SLC12A7: variants seen among roughly 807,000 people sequenced by gnomAD.
SLC12A7 encodes the protein solute carrier family 12 member 7, also known as K-Cl cotransporter 4.
A neutral mutation model predicts 120.6 loss-of-function variants in SLC12A7; 100 were observed. That is an observed-to-expected ratio of 0.83 (90% confidence interval 0.71 to 0.98). The LOEUF (loss-of-function observed/expected upper bound fraction) is 0.98. Among genes scored for constraint, SLC12A7 ranks in the 50% least tolerant of loss-of-function variants. The probability of loss-of-function intolerance (pLI) is 0.00; values close to 1 mark genes in which losing one functional copy is unlikely to be tolerated. For missense variants in SLC12A7, 1,373 were observed against 1,548.1 expected (o/e 0.89, Z 1.90); for synonymous variants, 760 against 678.0 (o/e 1.12, Z -1.88).
chr5:1,140,132 C>G, the SLC12A7 span, among the ~76,000 whole-genome samples: 1 of 152,238 alleles, frequency 6.6e-6, no homozygotes, highest in Non-Finnish European at 1.5e-5. Context: ...GTCCTGCCCT[C>G]AGAAGGCCCC....
chr5:1,078,623 A>G, intron 11 of SLC12A7, 78 bp downstream of exon 11: 1 of 1,240,770 alleles, frequency 8.1e-7, no homozygotes, highest in Non-Finnish European at 1.2e-6. Flanking sequence ...GGGCGATGTA[A>G]TTTCAAAGCC....
chr5:1,065,930 C>T (rs1016784634), intron 17 of SLC12A7, among the ~76,000 whole-genome samples: 4 of 117,270 alleles, frequency 3.4e-5, no homozygotes, highest in African/African-American at 6.3e-5. Context: ...CGGCGGGGGG[C>T]GGGGGTGGGG....
the SLC12A7 span, among the ~76,000 whole-genome samples, chr5:1,153,197 G>A: frequency 1.3e-5 from 2 of 152,304 alleles, no homozygotes; most frequent in African/African-American, 4.8e-5. Flanking sequence ...GCTGACGTGG[G>A]AGGAGGGACG....
At chr5:1,056,673 C>T (rs1324379549) in intron 22 of SLC12A7, 1 of 762,676 alleles carries the variant, frequency 1.3e-6, no homozygotes, top group Non-Finnish European at 1.6e-6. Context: ...CGCATGGCTG[C>T]CCAGGAGGAC....
Position 1,077,898 on chromosome 5 carries a change from T to C in SLC12A7, c.1564A>G (p.Ser522Gly). 6.3e-7 allele frequency: 1 copy of C among 1,599,368 alleles called. No individual in the cohort carries two copies. Among genetic ancestry groups the C allele is most frequent in the Non-Finnish European group, 8.5e-7 (1 of 1,173,842 alleles). The change falls in exon 12 of 24, where the codon AGC (serine) becomes GGC (glycine). Residue 522 changes from serine (S) to glycine (G), a missense_variant. Physicochemically the swap from Ser to Gly is moderately conservative, Grantham distance 56 (BLOSUM62 0). Coordinates refer to ENST00000264930, the MANE Select transcript of SLC12A7 (RefSeq NM_006598.3). ...FFSTCGAGLQ[S>G]LTGAPRLLQA... ...AGTAGGCGCGGTGCCCCCGTGAGGC[T>C]CTGCAGGCCGGCACCGCAGGTGGAG...
At chr5:1,052,619 AGGAG>A (rs1735167693) in intron 23 of SLC12A7, among the ~76,000 whole-genome samples, 168 bp from the exon 24 acceptor site, 1 of 127,868 alleles carries the variant, frequency 7.8e-6, no homozygotes, top group Admixed American at 8.2e-5. Flanking sequence ...CCAGGCGGGG[AGGAG>A]CAGGGCAGGG....
At chr5:1,095,506 G>A (rs1224658974) in intron 1 of SLC12A7, among the ~76,000 whole-genome samples, 1 of 152,224 alleles carries the variant, frequency 6.6e-6, no homozygotes, top group Non-Finnish European at 1.5e-5. Context: ...GACTGGGAAC[G>A]ACCAAGCCGG....
In SLC12A7 at chr5:1,065,472, G is replaced by A. The variant is rs776940312; in HGVS notation, c.2248C>T (p.Arg750Trp). Residue 750 changes from arginine to tryptophan, a missense_variant, in exon 18 of 24, where the codon CGG becomes TGG. By Grantham distance (101) the Arg-to-Trp change is moderately radical. Coordinates refer to ENST00000264930, the MANE Select transcript of SLC12A7 (RefSeq NM_006598.3). ...GTCTTCTCTGTGCTCATTAGGGACCGTATGTTCTGCGGGAGACAGGACAGG... is the reference window on the plus strand; with the variant it reads ...GTCTTCTCTGTGCTCATTAGGGACCATATGTTCTGCGGGAGACAGGACAGG... ...MEAQRAEENI[R>W]SLMSTEKTKG... is the part of the protein sequence containing the mutation. 9 of 1,584,610 alleles carry A rather than the reference G, an allele frequency of 5.7e-6. No homozygotes were observed. Among genetic ancestry groups the A allele is most frequent in the Non-Finnish European group, 6.9e-6 (8 of 1,162,618 alleles).
chr5:1,116,008 T>A (rs116648138), upstream of SLC12A7, among the ~76,000 whole-genome samples: 6,483 of 149,426 alleles, frequency 0.043, 186 homozygotes, highest in South Asian at 0.086. Context: ...GGAAGCAGAG[T>A]CTCCGGCCAC....
intron 1 of SLC12A7, among the ~76,000 whole-genome samples, chr5:1,102,230 T>C (rs1742088737): frequency 6.6e-6 from 1 of 152,060 alleles, no homozygotes; most frequent in African/African-American, 2.4e-5. Flanking sequence ...AGAGAGGCAG[T>C]GAGAGTGTGT....
rs746519418 is a variant in SLC12A7, at chr5:1,065,316, C to T, written c.2404G>A (p.Glu802Lys). 1.6e-5 allele frequency: 26 copies of T among 1,584,822 alleles called. No individual in the cohort carries two copies. In the Admixed American group the frequency reaches 4.7e-4, roughly 28 times the overall value. ...TTCTTCCAGGAGAAGGGGTTGTCCT[C>T]CTGCTTCCAGGATGCGGGCCAGGCC... ...LMAWPASWKQ[E>K]DNPFSWKNFV... The change falls in exon 18 of 24, where the codon GAG becomes AAG. Residue 802 changes from glutamate to lysine, a missense_variant. By Grantham distance (56) the Glu-to-Lys change is moderately conservative. Coordinates refer to ENST00000264930, the MANE Select transcript of SLC12A7 (RefSeq NM_006598.3).
At chr5:1,089,987 A>T (rs890672043) in intron 3 of SLC12A7, among the ~76,000 whole-genome samples, 2 of 152,246 alleles carry the variant, frequency 1.3e-5, no homozygotes, top group Admixed American at 1.3e-4. Context: ...TTTTAACAGG[A>T]AAACGTCTCA....
At chr5:1,140,409 A>G in the SLC12A7 span, among the ~76,000 whole-genome samples, 1 of 152,194 alleles carries the variant, frequency 6.6e-6, no homozygotes, top group Admixed American at 6.5e-5. Context: ...CCGGGTCTGG[A>G]AGACACTGGT....
In SLC12A7 at chr5:1,050,681, C is replaced by T. The variant is rs1199418233; in HGVS notation, c.*1679G>A. 1.5e-5 allele frequency: 6 copies of T among 394,136 alleles called. No homozygotes were observed. Among genetic ancestry groups the T allele is most frequent in the Admixed American group, 8.9e-5 (2 of 22,582 alleles). 24.4% of individuals were successfully genotyped at this position (394,136 alleles called of 1,614,324 possible). ...GCTGTGCCTCTAGCCTGCTCTCCTCCAGGTGCAGGGGACACAGGACCTGCC... is the reference window on the plus strand; with the variant it reads ...GCTGTGCCTCTAGCCTGCTCTCCTCTAGGTGCAGGGGACACAGGACCTGCC... On this transcript the variant is annotated 3_prime_UTR_variant, in exon 24 of 24. Coordinates refer to ENST00000264930, the MANE Select transcript of SLC12A7 (RefSeq NM_006598.3).
Position 1,080,399 on chromosome 5 carries a change from G to A in SLC12A7, c.1298-903C>T, listed in dbSNP as rs944145093. ...GCGGAGGTACAGGGAGAGGACCCCC[G>A]GCAGATCACCCCCTCCATAGCAAGA... On this transcript the variant is annotated intron_variant, in intron 9 of 23. Transcript: ENST00000264930. Among the ~76,000 whole-genome samples the A allele has an allele frequency of 7.9e-5, 12 of 152,214 alleles. 1 individual carries two copies. Among genetic ancestry groups the A allele is most frequent in the South Asian group, 2.1e-4 (1 of 4,836 alleles).
At position 1,064,148 on chromosome 5, in the gene SLC12A7, C is replaced by T. The variant is rs751598195; in HGVS notation, c.2542G>A (p.Val848Met). The T allele has an allele frequency of 2.4e-5, 38 of 1,611,990 alleles. No individual in the cohort carries two copies. The highest frequency in any genetic ancestry group is 5.3e-5 in the African/African-American group (4 of 74,920). The change falls in exon 19 of 24, where the codon GTG becomes ATG. Residue 848 changes from valine (V) to methionine (M), a missense_variant. Transcript: ENST00000264930. ...QERFGGGHIDVWWIVHDGGML... is the reference protein window; with the variant it reads ...QERFGGGHIDMWWIVHDGGML... ...CCGCCGTCGTGCACGATCCACCACA[C>T]GTCGATGTGGCCCCCGCCGAAGCGC...
chr5:1,100,652 T>C (rs1741923855), intron 1 of SLC12A7, among the ~76,000 whole-genome samples: 1 of 152,168 alleles, frequency 6.6e-6, no homozygotes, highest in Admixed American at 6.5e-5. Flanking sequence ...AGACGCCGCA[T>C]GCAGGGAGGG....
chr5:1,137,789 G>A, the SLC12A7 span, among the ~76,000 whole-genome samples: 7 of 152,238 alleles, frequency 4.6e-5, no homozygotes, highest in African/African-American at 7.2e-5. Context: ...CCCTTGGTCT[G>A]GCTGGCGGAG....
At chr5:1,082,928 G>A (rs1319314231) in intron 8 of SLC12A7, among the ~76,000 whole-genome samples, 3 of 146,540 alleles carry the variant, frequency 2.0e-5, no homozygotes, top group Non-Finnish European at 4.5e-5. Flanking sequence ...TCGGGTTCTG[G>A]AAAGCCTGGG....
Sources: gnomAD v4.1 joint callset for allele counts (sites outside exome capture counted in the v4.1 genomes callset) on GRCh38, gnomAD v4.1.1 for gene constraint, MANE v1.5 for transcripts, NCBI Gene and HGNC (gene_info 2026-07-23, HGNC 2026-07-21) for gene names.